Variants in GAD1 observed in about 807,000 individuals in gnomAD.
GAD1 encodes the protein glutamate decarboxylase 1, also known as 67 kDa glutamic acid decarboxylase.
Under a neutral mutation model 75.2 loss-of-function variants are expected in GAD1, and 35 were observed. That is an observed-to-expected ratio of 0.47 (90% CI 0.36 to 0.62). The LOEUF is 0.62. GAD1 is among the 20% of genes least tolerant of loss of function. GAD1 has a pLI of 0.00. For synonymous variants in GAD1, 257 were observed against 271.9 expected (o/e 0.95, Z 0.54); for missense variants, 490 against 758.5 (o/e 0.65, Z 4.16).
chr2:170,828,148 A>AC (rs1702076218), intron 3 of GAD1, among the ~76,000 whole-genome samples: 1 of 79,998 alleles, frequency 1.3e-5, no homozygotes, highest in Admixed American at 1.2e-4. Flanking sequence ...TGCTGTCCTC[A>AC]CCCTCCTCCC....
chr2:170,829,835 T>C (rs931987146), intron 4 of GAD1: 1 of 596,038 alleles, frequency 1.7e-6, no homozygotes, highest in Non-Finnish European at 2.9e-6. Flanking sequence ...TTTTGGAAAC[T>C]GGATGAAGGC....
chr2:170,831,634 G>GTGTGTGTGTGTGTGTGTGTGTGTA (rs1165758709), intron 5 of GAD1, among the ~76,000 whole-genome samples: 7 of 132,110 alleles, frequency 5.3e-5, no homozygotes, highest in African/African-American at 2.0e-4. Flanking sequence ...GTGTGTGTGT[G>GTGTGTGTGTGTGTGTGTGTGTGTA]TATATACCTA....
chr2:170,835,107 C>G (rs1306768680), intron 5 of GAD1, among the ~76,000 whole-genome samples: 1 of 152,038 alleles, frequency 6.6e-6, no homozygotes, highest in Admixed American at 6.6e-5. Flanking sequence ...TTAAAAAAGT[C>G]CACAATGTCA....
chr2:170,854,038 T>A lies in GAD1; in HGVS notation c.1413+16T>A, dbSNP rs1702800907. On this transcript the variant is annotated intron_variant, in intron 14 of 16. Coordinates refer to ENST00000358196, the MANE Select transcript of GAD1 (RefSeq NM_000817.3). ...GAAAGCAAAGGTATGAAGGGAATAG[T>A]TCAGGAAATAGAGCAGAAATGTAAT... 1 of 1,614,076 alleles carries A rather than the reference T, an allele frequency of 6.2e-7. No individual in the cohort carries two copies. The highest frequency in any genetic ancestry group is 1.1e-5 in the South Asian group (1 of 91,076).
intron 3 of GAD1, among the ~76,000 whole-genome samples, chr2:170,827,243 AT>A (rs1175187088): frequency 3.9e-5 from 6 of 152,152 alleles, no homozygotes; most frequent in African/African-American, 1.4e-4. Flanking sequence ...GCAAAGCTGA[AT>A]TCTCCAGATT....
rs975961328 is a variant in GAD1 at position 170,831,628 on chromosome 2, GTGTGTGTA to G, written c.547+438_547+445del. 4.8e-4 allele frequency among the ~76,000 whole-genome samples: 68 copies of G among 141,512 alleles called. 1 individual carries two copies. In the East Asian group the frequency reaches 0.011, roughly 22 times the overall value. The allele number at this position is 141,512 out of a possible 152,430, so 92.8% of individuals were successfully genotyped here. On this transcript the variant is annotated intron_variant, in intron 5 of 16. Transcript: ENST00000358196. The stretch of plus-strand genomic sequence containing the variant: ...TGTGTGTGTGTGTGTGTGTGTGTGT[GTGTGTGTA>G]TATACCTATTTTTATATATAAATAT...
chr2:170,855,255 C>T (rs1702826519), intron 14 of GAD1, among the ~76,000 whole-genome samples: 1 of 147,044 alleles, frequency 6.8e-6, no homozygotes, highest in Non-Finnish European at 1.5e-5. Flanking sequence ...GTTGCCCAGG[C>T]TGGAGTTCAG....
Position 170,858,904 on chromosome 2 carries a change from G to A in GAD1, c.1611+11G>A. The A allele has an allele frequency of 6.2e-7, 1 of 1,611,284 alleles. No homozygotes were observed. Among genetic ancestry groups the A allele is most frequent in the Non-Finnish European group, 8.5e-7 (1 of 1,177,460 alleles). ...GAAAAGCTACACAAGGTATGGACTT[G>A]CTTTTTGTCTCATCTAATCCTCTGC... On this transcript the variant is annotated intron_variant, in intron 16 of 16. Transcript: ENST00000358196.
At chr2:170,849,409 T>G in intron 12 of GAD1, 59 bp downstream of exon 12, 1 of 1,517,102 alleles carries the variant, frequency 6.6e-7, no homozygotes, top group Non-Finnish European at 9.2e-7. Context: ...GACCATGCTC[T>G]GATGTCAGCC....
intron 12 of GAD1, among the ~76,000 whole-genome samples, chr2:170,851,838 T>C (rs892180904): frequency 3.9e-5 from 6 of 152,238 alleles, no homozygotes; most frequent in Non-Finnish European, 8.8e-5. Context: ...TAGGAGACCA[T>C]GCTTGTTAAG....
Position 170,857,173 on chromosome 2 carries a change from C to G in GAD1, c.1521+48C>G. 3 of 1,421,404 alleles carry G rather than the reference C, an allele frequency of 2.1e-6. 1 individual carries two copies. The South Asian group carries it at 3.5e-5, about 16-fold the overall frequency. The allele number at this position is 1,421,404 out of a possible 1,614,324, so 88.0% of individuals were successfully genotyped here. On this transcript the variant is annotated intron_variant, in intron 15 of 16. Transcript: ENST00000358196. ...GTACACAGTATTTCCAGAAAAACTG[C>G]TGAGGGAAGCTCCTGAAGCTTCTGG...
chr2:170,849,023 G>T (rs1702696438), intron 11 of GAD1: 1 of 532,934 alleles, frequency 1.9e-6, no homozygotes, highest in East Asian at 3.5e-5. Context: ...TTTGGGTCTT[G>T]GCAGAACAGG....
In GAD1 at chr2:170,853,118, C is replaced by G. The variant is rs1702779246; in HGVS notation, c.1263+326C>G. ...AGGTGAGGCATCCAATCAGTTTTGT[C>G]CTCAGTGAGGACAAAAGCACTCACT... is the stretch of plus-strand genomic sequence containing the variant. On this transcript the variant is annotated intron_variant, in intron 13 of 16. Transcript: ENST00000358196. The surrounding 1 kb of genome is among the most constrained non-coding windows in gnomAD (Gnocchi z 4.1). 1 of 412,416 alleles carries G rather than the reference C, an allele frequency of 2.4e-6. No individual in the cohort carries two copies. The highest frequency in any genetic ancestry group is 4.5e-6 in the Non-Finnish European group (1 of 220,194). 25.5% of individuals were successfully genotyped at this position (412,416 alleles called of 1,614,324 possible). A position where few individuals can be genotyped will look rare whatever the true frequency, so the allele number is the denominator to read the frequency against.
intron 14 of GAD1, among the ~76,000 whole-genome samples, chr2:170,854,553 A>G (rs920267030): frequency 2.0e-5 from 3 of 152,134 alleles, no homozygotes; most frequent in African/African-American, 7.2e-5. Flanking sequence ...GGGGCCCGCC[A>G]CTACGCCCGG....
Position 170,845,494 on chromosome 2 carries a change from G to A in GAD1, c.752-12G>A. The A allele has an allele frequency of 1.2e-6, 2 of 1,609,742 alleles. No homozygotes were observed. The highest frequency in any genetic ancestry group is 1.7e-6 in the Non-Finnish European group (2 of 1,177,110). On this transcript the variant is annotated splice_polypyrimidine_tract_variant and intron_variant, in intron 7 of 16. Coordinates refer to ENST00000358196, the MANE Select transcript of GAD1 (RefSeq NM_000817.3). The stretch of plus-strand genomic sequence containing the variant: ...AGCCCCAACACCTCCCAATATGTCC[G>A]CTTGCTGACAGGGGGCGCCATATCC...
intron 11 of GAD1, 130 bp downstream of exon 11, chr2:170,847,922 T>G (rs1702669360): frequency 2.6e-6 from 2 of 760,500 alleles, no homozygotes; most frequent in Non-Finnish European, 4.8e-6. Context: ...AGTTCTTGTC[T>G]GGACCCTAGC....
At chr2:170,850,147 A>T (rs145813639) in intron 12 of GAD1, among the ~76,000 whole-genome samples, 19 of 152,360 alleles carry the variant, frequency 1.2e-4, no homozygotes, top group African/African-American at 4.6e-4. Flanking sequence ...ATAAAAATGC[A>T]TATCTGATAA....
chr2:170,840,266 T>C (rs935709007), intron 6 of GAD1, among the ~76,000 whole-genome samples: 1 of 152,216 alleles, frequency 6.6e-6, no homozygotes, highest in Non-Finnish European at 1.5e-5. Context: ...CAGTCACTGT[T>C]GCTATTTGAG....
At chr2:170,831,648 T>C (rs1702230133) in intron 5 of GAD1, among the ~76,000 whole-genome samples, 1 of 123,734 alleles carries the variant, frequency 8.1e-6, no homozygotes, top group South Asian at 2.6e-4. Context: ...ATACCTATTT[T>C]TATATATAAA....
Sources: allele counts gnomAD v4.1 joint callset (sites outside exome capture counted in the v4.1 genomes callset), GRCh38; gene constraint gnomAD v4.1.1; non-coding constraint Gnocchi (gnomAD v3.1); transcripts MANE v1.5; gene names NCBI Gene and HGNC (gene_info 2026-07-23, HGNC 2026-07-21).